Variants in KDM6B observed in about 807,000 individuals in gnomAD.
The protein encoded by KDM6B is lysine-specific demethylase 6B.
A neutral mutation model predicts 150.4 loss-of-function variants in KDM6B; 22 were observed. The observed-to-expected ratio is 0.15, with a 90% CI of 0.10 to 0.21. The LOEUF (loss-of-function observed/expected upper bound fraction) is 0.21. Among genes scored for constraint, KDM6B ranks in the 10% least tolerant of loss-of-function variants. KDM6B has a pLI of 1.00. For synonymous variants in KDM6B, 1,148 were observed against 921.1 expected (o/e 1.25, Z -4.46); for missense variants, 1,984 against 2,234.3 (o/e 0.89, Z 2.26).
rs778356472 is a variant in KDM6B at position 7,848,539 on chromosome 17, G to A, written c.2251G>A (p.Val751Ile). The A allele has an allele frequency of 3.7e-5, 59 of 1,589,424 alleles. No individual in the cohort carries two copies. Among genetic ancestry groups the A allele is most frequent in the Middle Eastern group, 3.6e-4 (2 of 5,486 alleles). Residue 751 changes from valine to isoleucine, a missense_variant, in exon 12 of 24, where the codon GTC becomes ATC. Coordinates refer to ENST00000448097, the MANE Select transcript of KDM6B (RefSeq NM_001348716.2). ...APTTTAPAVA[V>I]TTTTTTTTTT... ...CACCACTACTGCTCCTGCTGTCGCCGTCACCACCACCACCACCACCACCAC... is the reference window on the plus strand; with the variant it reads ...CACCACTACTGCTCCTGCTGTCGCCATCACCACCACCACCACCACCACCAC...
chr17:7,846,520 A>G (rs1348849239), intron 8 of KDM6B, 28 bp downstream of exon 8: 3 of 1,613,966 alleles, frequency 1.9e-6, no homozygotes, highest in East Asian at 2.2e-5. Context: ...TGGGTTAGGG[A>G]GGAGAGCCAG....
rs1213628474 is a variant in KDM6B, at chr17:7,845,659, C to T, written c.105C>T (p.Pro35=). ...CCTGGAGCTCCTGCCCGCCTCATCC[C>T]CCTCCTCGTAGCGCATGGCTGCCTG... is the stretch of plus-strand genomic sequence containing the variant. ...AGAWSSCPPH[P]PPRSAWLPGG... is the part of the protein sequence containing the mutation. Residue 35 remains proline (P), a synonymous_variant, in exon 5 of 24, where the codon CCC becomes CCT. Transcript: ENST00000448097. The T allele has an allele frequency of 6.2e-7, 1 of 1,614,106 alleles. No individual in the cohort carries two copies. Among genetic ancestry groups the T allele is most frequent in the Admixed American group, 1.7e-5 (1 of 60,024 alleles).
intron 1 of KDM6B, among the ~76,000 whole-genome samples, chr17:7,839,274 G>A (rs1423887180): frequency 6.6e-6 from 1 of 152,150 alleles, no homozygotes; most frequent in Admixed American, 6.5e-5. Flanking sequence ...GGAGGTGATG[G>A]GGAAACAGGA....
chr17:7,843,847 G>A lies in KDM6B; in HGVS notation c.-268-1054G>A, dbSNP rs1047036779. Among the ~76,000 whole-genome samples, 1 of 152,148 alleles carries A rather than the reference G, an allele frequency of 6.6e-6. No homozygotes were observed. Among genetic ancestry groups the A allele is most frequent in the Admixed American group, 6.5e-5 (1 of 15,278 alleles). The stretch of plus-strand genomic sequence containing the variant: ...ACGCAGCTCCTGGGCTCAGAGAGGC[G>A]AGAAGGAAGAGCTGGGGCTAAAGGG... On this transcript the variant is annotated intron_variant, in intron 2 of 23. Coordinates refer to ENST00000448097, the MANE Select transcript of KDM6B (RefSeq NM_001348716.2). This position sits in a 1 kb window ranked among gnomAD's most constrained non-coding sequence, Gnocchi z 4.5.
At chr17:7,851,829 A>C (rs780955017) in intron 18 of KDM6B, 33 bp downstream of exon 18, 1 of 1,559,488 alleles carries the variant, frequency 6.4e-7, no homozygotes, top group South Asian at 1.2e-5. Context: ...CTGATGCTGG[A>C]AGCGCGAGAG....
rs760163559 is a variant in KDM6B at position 7,852,292 on chromosome 17, C to T, written c.4424C>T (p.Thr1475Ile). The T allele has an allele frequency of 1.2e-6, 2 of 1,613,682 alleles. No homozygotes were observed. The highest frequency in any genetic ancestry group is 2.2e-5 in the South Asian group (2 of 91,088). ...NAGTVHWVQA[T>I]GWCNNIAWNV... Reference sequence around the variant, plus strand: ...GGGACTGTGCACTGGGTGCAGGCCACCGGCTGGTGCAACAACATTGCCTGG... The same window carrying T: ...GGGACTGTGCACTGGGTGCAGGCCATCGGCTGGTGCAACAACATTGCCTGG... Residue 1475 changes from threonine (T) to isoleucine (I), a missense_variant, in exon 20 of 24, where the codon ACC becomes ATC. Physicochemically the swap from Thr to Ile is moderately conservative, Grantham distance 89. Transcript: ENST00000448097.
Position 7,847,625 on chromosome 17 carries a change from G to A in KDM6B, c.1337G>A (p.Arg446Gln), listed in dbSNP as rs773892963. 18 of 1,611,824 alleles carry A rather than the reference G, an allele frequency of 1.1e-5. No homozygotes were observed. Among genetic ancestry groups the A allele is most frequent in the Middle Eastern group, 3.3e-4 (2 of 6,074 alleles). The change falls in exon 12 of 24, where the codon CGG (arginine) becomes CAG (glutamine). Residue 446 changes from arginine (R) to glutamine (Q), a missense_variant. Arg to Gln is a conservative substitution (Grantham distance 43). Coordinates refer to ENST00000448097, the MANE Select transcript of KDM6B (RefSeq NM_001348716.2). ...CTGGGGCCCTCGGCACACAGCAGTC[G>A]GAAACCGTTCTTGGGGGCTCCCGCT... ...GRLGPSAHSS[R>Q]KPFLGAPAAT...
In KDM6B at chr17:7,849,657, G is replaced by A; in HGVS notation, c.3369G>A (p.Val1123=). 2.5e-6 allele frequency: 4 copies of A among 1,610,990 alleles called. No homozygotes were observed. Among genetic ancestry groups the A allele is most frequent in the Non-Finnish European group, 1.7e-6 (2 of 1,180,014 alleles). ...AGGAGACCTTTATCGCCTCTGAGGT[G>A]GAAGAGCGGCGGCTGCGCATGGCAG... The part of the protein sequence containing the change: ...GDKETFIASE[V]EERRLRMADL... Residue 1123 remains valine, a synonymous_variant, in exon 12 of 24, where the codon GTG becomes GTA. Transcript: ENST00000448097.
Position 7,845,611 on chromosome 17 carries a change from TGGG to T in KDM6B, c.60_62del (p.Gly21del). The T allele has an allele frequency of 6.2e-7, 1 of 1,614,164 alleles. No homozygotes were observed. The highest frequency in any genetic ancestry group is 8.5e-7 in the Non-Finnish European group (1 of 1,180,030). ...GCGCTGCACGGGAAGCCTTTGCCCT[TGGG>T]GGCCTGAGCTGTGCTGGGGCCTGGA... On this transcript the variant is annotated inframe_deletion, in exon 5 of 24. Coordinates refer to ENST00000448097, the MANE Select transcript of KDM6B (RefSeq NM_001348716.2).
chr17:7,835,222 C>G (rs1486980538), intron 1 of KDM6B, among the ~76,000 whole-genome samples: 1 of 152,010 alleles, frequency 6.6e-6, no homozygotes, highest in East Asian at 1.9e-4. Flanking sequence ...CCTCTCCCGG[C>G]TGGGGTAAAT....
At position 7,853,540 on chromosome 17, in the gene KDM6B, C is replaced by G; in HGVS notation, c.*19C>G. 1 of 1,435,246 alleles carries G rather than the reference C, an allele frequency of 7.0e-7. No individual in the cohort carries two copies. The highest frequency in any genetic ancestry group is 9.1e-7 in the Non-Finnish European group (1 of 1,099,216). 88.9% of individuals were successfully genotyped at this position (1,435,246 alleles called of 1,614,324 possible). A position where few individuals can be genotyped will look rare whatever the true frequency, so the allele number is the denominator to read the frequency against. On this transcript the variant is annotated 3_prime_UTR_variant, in exon 24 of 24. Transcript: ENST00000448097. ...GCGATGAGGCCGGACGCCCCGCCCG[C>G]CTGCCTGCCCGCGCAAGGCGCCGCG...
Position 7,846,979 on chromosome 17 carries a change from GCCCAGAGCGCAAGGGTTCAGCACC to G in KDM6B, c.883_906del (p.Lys295_Arg302del), listed in dbSNP as rs776804039. The G allele has an allele frequency of 6.2e-7, 1 of 1,613,012 alleles. No homozygotes were observed. The highest frequency in any genetic ancestry group is 8.5e-7 in the Non-Finnish European group (1 of 1,179,906). On this transcript the variant is annotated inframe_deletion, in exon 10 of 24. Coordinates refer to ENST00000448097, the MANE Select transcript of KDM6B (RefSeq NM_001348716.2). ...AGTACCCTGCATGGAGATGCCTGGG[GCCCAGAGCGCAAGGGTTCAGCACC>G]CCCAGAGCGCCAGGTGAGCCCCTGC... is the stretch of plus-strand genomic sequence containing the variant.
chr17:7,841,100 C>T (rs1465185638), intron 2 of KDM6B, among the ~76,000 whole-genome samples: 2 of 152,202 alleles, frequency 1.3e-5, no homozygotes, highest in Non-Finnish European at 2.9e-5. Flanking sequence ...GCCTCAATTT[C>T]CTCATCTGTA....
rs1443144090 is a variant in KDM6B, at chr17:7,853,620, G to C, written c.*99G>C. 1 of 924,182 alleles carries C rather than the reference G, an allele frequency of 1.1e-6. No individual in the cohort carries two copies. The highest frequency in any genetic ancestry group is 1.5e-6 in the Non-Finnish European group (1 of 688,066). The allele number at this position is 924,182 out of a possible 1,614,324, so 57.2% of individuals were successfully genotyped here. A position where few individuals can be genotyped will look rare whatever the true frequency, so the allele number is the denominator to read the frequency against. On this transcript the variant is annotated 3_prime_UTR_variant, in exon 24 of 24. Transcript: ENST00000448097. ...TAGGTCCCGCCTGTGGCCGAGAAGG[G>C]GGTCGGGCCCAGCCCTTCCACCCCA...
At position 7,852,032 on chromosome 17, in the gene KDM6B, A is replaced by T; in HGVS notation, c.4247A>T (p.His1416Leu). 6.2e-7 allele frequency: 1 copy of T among 1,614,074 alleles called. No individual in the cohort carries two copies. The highest frequency in any genetic ancestry group is 8.5e-7 in the Non-Finnish European group (1 of 1,180,010). The change falls in exon 19 of 24, where the codon CAC becomes CTC. Residue 1416 changes from histidine (H) to leucine (L), a missense_variant. By Grantham distance (99) the His-to-Leu change is moderately conservative (BLOSUM62 -3). This residue lies in a region of KDM6B where 19 missense variants were observed against 21.1 expected (regional missense o/e 0.90). Transcript: ENST00000448097. ...TGCGAGTGGTTCGCGGTGCACGAGCACTACTGGGAGACCATCAGCGCTTTC... is the reference window on the plus strand; with the variant it reads ...TGCGAGTGGTTCGCGGTGCACGAGCTCTACTGGGAGACCATCAGCGCTTTC... ...GDCEWFAVHEHYWETISAFCD... is the reference protein window; with the variant it reads ...GDCEWFAVHELYWETISAFCD...
rs2151367281 is a variant in KDM6B at position 7,837,086 on chromosome 17, G to C, written c.-388+2736G>C. On this transcript the variant is annotated intron_variant, in intron 1 of 23. Coordinates refer to ENST00000448097, the MANE Select transcript of KDM6B (RefSeq NM_001348716.2). ...TGTGGCTGAAAGACTTTGCCCCTTT[G>C]CTGGGCTGAGGGAGCCTTGGGTCAC... Among the ~76,000 whole-genome samples the C allele has an allele frequency of 1.3e-5, 2 of 152,302 alleles. 1 individual carries two copies. Among genetic ancestry groups the C allele is most frequent in the Admixed American group, 1.3e-4 (2 of 15,308 alleles).
At chr17:7,836,531 C>T (rs1033777359) in intron 1 of KDM6B, among the ~76,000 whole-genome samples, 2 of 149,830 alleles carry the variant, frequency 1.3e-5, no homozygotes, top group African/African-American at 4.9e-5. Context: ...CCCGGTGCCC[C>T]CGTCCCCGCC....
chr17:7,852,106 C>T (rs1278822688), intron 19 of KDM6B, 41 bp downstream of exon 19: 3 of 1,613,738 alleles, frequency 1.9e-6, no homozygotes, highest in South Asian at 2.2e-5. Flanking sequence ...CGCGTCCCCG[C>T]CCTCGGTCCC....
At chr17:7,845,193 A>T in intron 3 of KDM6B, 121 bp from the exon 4 acceptor site, 1 of 394,386 alleles carries the variant, frequency 2.5e-6, no homozygotes, top group Non-Finnish European at 4.8e-6. Context: ...CTTTGGGGAA[A>T]GCTAAGGCCG....
Sources: allele counts gnomAD v4.1 joint callset (sites outside exome capture counted in the v4.1 genomes callset), GRCh38; gene constraint gnomAD v4.1.1; regional missense constraint gnomAD v4.1.1; non-coding constraint Gnocchi (gnomAD v3.1); transcripts MANE v1.5; gene names NCBI Gene and HGNC (gene_info 2026-07-23, HGNC 2026-07-21).